Variants in PDZRN4 observed in about 807,000 individuals in gnomAD.
PDZRN4 encodes PDZ domain containing ring finger 4.
In PDZRN4, 70 loss-of-function variants were observed where a neutral mutation model predicts 99.0. The observed-to-expected ratio is 0.71, with a 90% CI of 0.58 to 0.86. The LOEUF (loss-of-function observed/expected upper bound fraction) is 0.86. PDZRN4 is among the 40% of genes least tolerant of loss of function. PDZRN4 has a pLI of 0.00. For missense variants in PDZRN4, 1,474 were observed against 1,331.2 expected (o/e 1.11, Z -1.67); for synonymous variants, 551 against 501.6 (o/e 1.10, Z -1.32).
In PDZRN4 at chr12:41,476,740, G is replaced by A. The variant is rs180985560; in HGVS notation, c.844-29716G>A. 2.6e-3 allele frequency among the ~76,000 whole-genome samples: 390 copies of A among 152,304 alleles called. 1 individual carries two copies. Among genetic ancestry groups the A allele is most frequent in the Non-Finnish European group, 4.3e-3 (292 of 68,024 alleles). ...AAATTGACAAGCCTGAGCACCTAAC[G>A]TCCTCAAACCACCTGATAATGATGG... On this transcript the variant is annotated intron_variant, in intron 3 of 9. Coordinates refer to ENST00000402685, the MANE Select transcript of PDZRN4 (RefSeq NM_001164595.2).
intron 3 of PDZRN4, among the ~76,000 whole-genome samples, chr12:41,363,835 C>G (rs995007449): frequency 3.3e-5 from 5 of 152,082 alleles, no homozygotes; most frequent in African/African-American, 1.2e-4. Flanking sequence ...CGACTACCTT[C>G]CAGCAACTGC....
chr12:41,484,653 T>A (rs965373722), intron 3 of PDZRN4, among the ~76,000 whole-genome samples: 4 of 152,218 alleles, frequency 2.6e-5, no homozygotes, highest in African/African-American at 9.6e-5. Context: ...TCACCTCATA[T>A]AACCCTGACC....
At chr12:41,343,547 A>G (rs765223145) in intron 3 of PDZRN4, among the ~76,000 whole-genome samples, 48 of 152,104 alleles carry the variant, frequency 3.2e-4, no homozygotes, top group Non-Finnish European at 6.3e-4. Context: ...TCATGGAAGA[A>G]GAGAATAAAG....
At chr12:41,352,361 C>T (rs1219967349) in intron 3 of PDZRN4, among the ~76,000 whole-genome samples, 2 of 152,064 alleles carry the variant, frequency 1.3e-5, no homozygotes, top group African/African-American at 4.8e-5. Flanking sequence ...ATGTCAGATG[C>T]TAATAGTATG....
At chr12:41,228,598 AT>A (rs2120745907) in intron 3 of PDZRN4, among the ~76,000 whole-genome samples, 1 of 152,272 alleles carries the variant, frequency 6.6e-6, no homozygotes, top group South Asian at 2.1e-4. Context: ...ATCTTCCTAA[AT>A]AAAAAGGCTA....
At chr12:41,572,213 T>C in intron 9 of PDZRN4, 151 bp from the exon 10 acceptor site, 2 of 639,274 alleles carry the variant, frequency 3.1e-6, no homozygotes, top group Non-Finnish European at 5.3e-6. Context: ...TAATTTCCTT[T>C]ATTTCTAAAA....
chr12:41,429,412 TTATG>T (rs977533534), intron 3 of PDZRN4, among the ~76,000 whole-genome samples: 1 of 152,232 alleles, frequency 6.6e-6, no homozygotes, highest in Admixed American at 6.5e-5. Context: ...TCAATCTGTT[TTATG>T]TAGCCATGCT....
chr12:41,212,980 T>C (rs752389538), intron 3 of PDZRN4, among the ~76,000 whole-genome samples: 2 of 151,942 alleles, frequency 1.3e-5, no homozygotes, highest in Non-Finnish European at 2.9e-5. Flanking sequence ...GAGGGGCTAA[T>C]TATTGGAACA....
At chr12:41,427,816 C>A (rs1179624129) in intron 3 of PDZRN4, among the ~76,000 whole-genome samples, 3 of 152,124 alleles carry the variant, frequency 2.0e-5, no homozygotes, top group East Asian at 1.9e-4. Context: ...AGGTCCTGAC[C>A]ACCTGGCGCA....
chr12:41,190,649 T>C (rs1950730502), intron 1 of PDZRN4, among the ~76,000 whole-genome samples: 2 of 152,198 alleles, frequency 1.3e-5, no homozygotes, highest in African/African-American at 4.8e-5. Context: ...GGAAAATATC[T>C]TGATGCTGAT....
intron 3 of PDZRN4, among the ~76,000 whole-genome samples, chr12:41,293,308 A>C (rs1358857897): frequency 2.0e-5 from 3 of 149,998 alleles, no homozygotes; most frequent in Non-Finnish European, 1.5e-5. Flanking sequence ...CGAGGAAAAA[A>C]ATATGGACAC....
At chr12:41,450,957 T>C (rs540119406) in intron 3 of PDZRN4, among the ~76,000 whole-genome samples, 1 of 152,028 alleles carries the variant, frequency 6.6e-6, no homozygotes, top group South Asian at 2.1e-4. Flanking sequence ...CATATATGTA[T>C]ATATCTGTGT....
At chr12:41,276,020 G>A (rs1350174279) in intron 3 of PDZRN4, among the ~76,000 whole-genome samples, 3 of 152,158 alleles carry the variant, frequency 2.0e-5, no homozygotes, top group Non-Finnish European at 4.4e-5. Context: ...TATCTTGGTA[G>A]ATGTGGTTGA....
intron 3 of PDZRN4, among the ~76,000 whole-genome samples, chr12:41,266,860 A>C (rs1951280686): frequency 6.6e-6 from 1 of 152,244 alleles, no homozygotes; most frequent in Non-Finnish European, 1.5e-5. Flanking sequence ...ATCAGTTAAT[A>C]GTTGATGAAT....
chr12:41,322,241 G>A (rs1370582681), intron 3 of PDZRN4, among the ~76,000 whole-genome samples: 1 of 151,864 alleles, frequency 6.6e-6, no homozygotes, highest in Admixed American at 6.6e-5. Flanking sequence ...CTGTTGGCTA[G>A]GCTGGTCTCA....
intron 3 of PDZRN4, among the ~76,000 whole-genome samples, chr12:41,465,883 G>C (rs11180929): frequency 0.033 from 4,967 of 151,856 alleles, 97 homozygotes; most frequent in Middle Eastern, 0.071. Context: ...ACACATTACT[G>C]TTTCAGTGTT....
chr12:41,557,669 T>C (rs1939191661), intron 7 of PDZRN4, among the ~76,000 whole-genome samples: 1 of 151,628 alleles, frequency 6.6e-6, no homozygotes, highest in Non-Finnish European at 1.5e-5. Context: ...TCTAGCTAGA[T>C]AGTGCAGAGC....
intron 9 of PDZRN4, 43 bp from the exon 10 acceptor site, chr12:41,572,320 CA>C (rs1485625944): frequency 6.6e-7 from 1 of 1,505,468 alleles, no homozygotes. Context: ...AAATGTCTTC[CA>C]AAATCATTAA....
At chr12:41,230,401 G>A (rs1040470615) in intron 3 of PDZRN4, among the ~76,000 whole-genome samples, 2 of 151,982 alleles carry the variant, frequency 1.3e-5, no homozygotes, top group African/African-American at 4.8e-5. Flanking sequence ...TTACTCTGAA[G>A]AAATAATAAC....
Sources: allele counts gnomAD v4.1 joint callset (sites outside exome capture counted in the v4.1 genomes callset), GRCh38; gene constraint gnomAD v4.1.1; transcripts MANE v1.5; gene names NCBI Gene and HGNC (gene_info 2026-07-23, HGNC 2026-07-21).